CDH18: variants seen among roughly 807,000 people sequenced by gnomAD.
CDH18 encodes the protein cadherin 18.
CDH18 carries 31 observed loss-of-function variants against 67.9 expected under a neutral mutation model. The observed-to-expected ratio is 0.46, with a 90% confidence interval of 0.34 to 0.62. CDH18 has a LOEUF of 0.62. CDH18 is among the 20% of genes least tolerant of loss of function. CDH18 has a pLI of 0.01. For missense variants in CDH18, 890 were observed against 975.5 expected, an observed-to-expected ratio of 0.91 and a Z score of 1.17; for synonymous variants, 362 against 347.2, an observed-to-expected ratio of 1.04 and a Z score of -0.48.
chr5:19,726,164 G>A (rs1766816863), intron 4 of CDH18, among the ~76,000 whole-genome samples: 1 of 152,148 alleles, frequency 6.6e-6, no homozygotes, highest in Non-Finnish European at 1.5e-5. Context: ...CACGAAGGCA[G>A]TGACAAGTTA....
intron 1 of CDH18, among the ~76,000 whole-genome samples, chr5:20,479,910 A>T (rs1373284459): frequency 6.6e-6 from 1 of 152,182 alleles, no homozygotes; most frequent in Non-Finnish European, 1.5e-5. Context: ...AAAAACATAC[A>T]AAGAAGATCT....
intron 2 of CDH18, among the ~76,000 whole-genome samples, chr5:19,952,261 G>A (rs1230798520): frequency 1.3e-5 from 2 of 152,120 alleles, no homozygotes; most frequent in Admixed American, 1.3e-4. Flanking sequence ...GTGTTAGCCA[G>A]GATGGTCTCA....
At chr5:19,701,949 C>T (rs1003425965) in intron 5 of CDH18, among the ~76,000 whole-genome samples, 2 of 152,046 alleles carry the variant, frequency 1.3e-5, no homozygotes, top group Non-Finnish European at 2.9e-5. Flanking sequence ...AAGTCTTGCT[C>T]ACATCAAGGC....
intron 2 of CDH18, among the ~76,000 whole-genome samples, chr5:20,192,093 A>G (rs1026413137): frequency 6.6e-6 from 1 of 151,224 alleles, no homozygotes; most frequent in East Asian, 2.0e-4. Context: ...TTTGATTTGC[A>G]TTTCTCTGAT....
rs936391621 is a variant in CDH18 at position 20,192,940 on chromosome 5, G to A, written c.-518+62504C>T. On this transcript the variant is annotated intron_variant, in intron 2 of 14. Coordinates refer to the CDH18 transcript ENST00000507958. ...GCATTGAATCTATAAATTACTTTGG[G>A]AGTGAAGTCATTTTCATGACATTAA... 3.1e-4 allele frequency among the ~76,000 whole-genome samples: 47 copies of A among 152,094 alleles called. 1 individual carries two copies. The highest frequency in any genetic ancestry group is 3.0e-3 in the Admixed American group (46 of 15,250).
At chr5:19,630,158 T>C (rs1374906159) in intron 5 of CDH18, among the ~76,000 whole-genome samples, 3 of 152,124 alleles carry the variant, frequency 2.0e-5, no homozygotes, top group Non-Finnish European at 2.9e-5. Context: ...GCCAGCCTGG[T>C]CTTGAACTCC....
intron 4 of CDH18, among the ~76,000 whole-genome samples, chr5:19,741,689 A>T (rs1262770763): frequency 6.6e-6 from 1 of 152,190 alleles, no homozygotes; most frequent in Non-Finnish European, 1.5e-5. Context: ...AGGATTATAA[A>T]TTTAACAAAT....
At chr5:19,510,232 T>C (rs1219188739) in intron 10 of CDH18, among the ~76,000 whole-genome samples, 1 of 152,130 alleles carries the variant, frequency 6.6e-6, no homozygotes, top group African/African-American at 2.4e-5. Context: ...AAAAGTGTTT[T>C]CAAGATATGG....
chr5:19,493,586 T>C (rs1002571351), intron 11 of CDH18, among the ~76,000 whole-genome samples: 4 of 151,758 alleles, frequency 2.6e-5, no homozygotes, highest in Non-Finnish European at 5.9e-5. Context: ...TTTGTCTTCA[T>C]TTTGAATTAG....
intron 1 of CDH18, among the ~76,000 whole-genome samples, chr5:20,480,841 A>T (rs1405124163): frequency 6.6e-6 from 1 of 152,226 alleles, no homozygotes; most frequent in Non-Finnish European, 1.5e-5. Flanking sequence ...AATCAAAAAG[A>T]ACTGCCACTG....
chr5:20,387,905 C>T (rs1449654145), intron 1 of CDH18, among the ~76,000 whole-genome samples: 9 of 152,144 alleles, frequency 5.9e-5, no homozygotes, highest in Admixed American at 2.6e-4. Context: ...CCTTGCATCC[C>T]AGGGATGAAG....
chr5:20,040,112 C>G (rs941244448), intron 2 of CDH18, among the ~76,000 whole-genome samples: 3 of 152,100 alleles, frequency 2.0e-5, no homozygotes, highest in African/African-American at 7.2e-5. Flanking sequence ...CTCATCATCA[C>G]TGGTCATTAG....
chr5:20,418,242 ATTTTTTT>A (rs58308147), intron 1 of CDH18, among the ~76,000 whole-genome samples: 1,167 of 56,958 alleles, frequency 0.02, 19 homozygotes, highest in Admixed American at 0.026. Flanking sequence ...CTGCTGGCTA[ATTTTTTT>A]TTTTTTTTTT....
chr5:19,904,963 C>G (rs1386641386), intron 2 of CDH18, among the ~76,000 whole-genome samples: 1 of 152,054 alleles, frequency 6.6e-6, no homozygotes, highest in Non-Finnish European at 1.5e-5. Flanking sequence ...TGAGAGATAA[C>G]CATGGGATTT....
chr5:20,191,684 T>C (rs1192648629), intron 2 of CDH18, among the ~76,000 whole-genome samples: 5 of 152,182 alleles, frequency 3.3e-5, no homozygotes, highest in Admixed American at 2.6e-4. Context: ...GAAAAAAACA[T>C]GACCTCATTC....
Position 19,479,265 on chromosome 5 carries a change from A to AT in CDH18, c.1882+4035dup, listed in dbSNP as rs1270350542. On this transcript the variant is annotated intron_variant, in intron 12 of 12. Transcript: ENST00000382275. ...CACAAACAAGAAGCTGAGAGGGAAA[A>AT]TTTTTTAATATTAAAATATTAATTT... Among the ~76,000 whole-genome samples, 17 of 152,236 alleles carry AT rather than the reference A, an allele frequency of 1.1e-4. No homozygotes were observed. The East Asian group carries it at 3.1e-3, about 28-fold the overall frequency.
chr5:20,384,423 T>C (rs558264542), intron 1 of CDH18, among the ~76,000 whole-genome samples: 1 of 152,316 alleles, frequency 6.6e-6, no homozygotes, highest in African/African-American at 2.4e-5. Flanking sequence ...GGATTTTCTT[T>C]TTTATAAGGC....
chr5:19,628,734 T>C (rs979863972), intron 5 of CDH18, among the ~76,000 whole-genome samples: 1 of 152,062 alleles, frequency 6.6e-6, no homozygotes, highest in African/African-American at 2.4e-5. Flanking sequence ...TAACATACAC[T>C]GGTTTTTAGA....
chr5:19,595,302 T>C (rs1047298632), intron 6 of CDH18, among the ~76,000 whole-genome samples: 1 of 152,184 alleles, frequency 6.6e-6, no homozygotes, highest in African/African-American at 2.4e-5. Context: ...GAAGGACTTA[T>C]ACACCGTAAA....
Sources: allele counts gnomAD v4.1 joint callset (sites outside exome capture counted in the v4.1 genomes callset), GRCh38; gene constraint gnomAD v4.1.1; transcripts MANE v1.5; gene names NCBI Gene and HGNC (gene_info 2026-07-23, HGNC 2026-07-21).